Variants in ARHGAP15 observed in about 807,000 individuals in gnomAD.
ARHGAP15 encodes the protein Rho GTPase activating protein 15, also known as rho GTPase-activating protein 15.
ARHGAP15 carries 51 observed loss-of-function variants against 63.7 expected under a neutral mutation model. The observed-to-expected ratio is 0.80, with a 90% CI of 0.64 to 1.01. The LOEUF (loss-of-function observed/expected upper bound fraction) is 1.01. Among genes scored for constraint, ARHGAP15 ranks in the 50% least tolerant of loss-of-function variants. ARHGAP15 has a pLI of 0.00. For synonymous variants in ARHGAP15, 191 were observed against 193.8 expected (o/e 0.99, Z 0.12); for missense variants, 560 against 564.6 (o/e 0.99, Z 0.08).
chr2:143,560,606 A>G (rs1695978855), intron 11 of ARHGAP15, among the ~76,000 whole-genome samples: 1 of 152,174 alleles, frequency 6.6e-6, no homozygotes, highest in African/African-American at 2.4e-5. Context: ...TTCATGCTAC[A>G]CACGCTCATT....
At chr2:143,323,505 GT>G in intron 6 of ARHGAP15, among the ~76,000 whole-genome samples, 1 of 152,274 alleles carries the variant, frequency 6.6e-6, no homozygotes, top group Admixed American at 6.5e-5. Flanking sequence ...GGGATGAAAC[GT>G]CTGAAAGTGT....
chr2:143,611,711 A>G (rs929625201), intron 11 of ARHGAP15, among the ~76,000 whole-genome samples: 1 of 152,192 alleles, frequency 6.6e-6, no homozygotes, highest in African/African-American at 2.4e-5. Context: ...AAAAGTGTCA[A>G]TAGCATCCCC....
intron 6 of ARHGAP15, among the ~76,000 whole-genome samples, chr2:143,331,830 T>C (rs1684562781): frequency 6.6e-6 from 1 of 152,158 alleles, no homozygotes; most frequent in Non-Finnish European, 1.5e-5. Context: ...AGGTTTAACT[T>C]GTGATTCTAA....
chr2:143,471,332 G>T (rs1204654233), intron 8 of ARHGAP15, among the ~76,000 whole-genome samples: 1 of 149,550 alleles, frequency 6.7e-6, no homozygotes, highest in African/African-American at 2.5e-5. Context: ...GCACTTTTTT[G>T]CTTAAAGATT....
intron 6 of ARHGAP15, among the ~76,000 whole-genome samples, chr2:143,263,955 C>G (rs1417291334): frequency 1.9e-5 from 2 of 107,296 alleles, no homozygotes; most frequent in African/African-American, 7.0e-5. Flanking sequence ...TGCTCACCAA[C>G]ATACTGAGCT....
intron 2 of ARHGAP15, among the ~76,000 whole-genome samples, chr2:143,176,837 G>A (rs1018029243): frequency 6.6e-6 from 1 of 152,150 alleles, no homozygotes; most frequent in Admixed American, 6.6e-5. Flanking sequence ...TCACATGATT[G>A]AAAGCTAATG....
At chr2:143,620,265 G>A (rs996477741) in intron 11 of ARHGAP15, among the ~76,000 whole-genome samples, 1 of 152,124 alleles carries the variant, frequency 6.6e-6, no homozygotes, top group African/African-American at 2.4e-5. Flanking sequence ...CCTGGAGTGG[G>A]TGTTTCATAT....
At chr2:143,519,031 C>T (rs1185887455) in intron 9 of ARHGAP15, 2 of 360,628 alleles carry the variant, frequency 5.5e-6, no homozygotes, top group Admixed American at 4.2e-5. Context: ...ACATAGTCAT[C>T]CCTGCCTAAT....
intron 13 of ARHGAP15, among the ~76,000 whole-genome samples, chr2:143,713,900 C>G (rs748331748): frequency 6.6e-6 from 1 of 152,190 alleles, no homozygotes; most frequent in Admixed American, 6.5e-5. Context: ...TCCATCCTGG[C>G]TGCTTTCATA....
chr2:143,595,330 G>A (rs962945289), intron 11 of ARHGAP15, among the ~76,000 whole-genome samples: 1 of 152,004 alleles, frequency 6.6e-6, no homozygotes, highest in African/African-American at 2.4e-5. Context: ...AGCTGATAAT[G>A]TCAGGACAGC....
intron 4 of ARHGAP15, among the ~76,000 whole-genome samples, chr2:143,218,484 A>G (rs906027245): frequency 6.6e-6 from 1 of 151,982 alleles, no homozygotes; most frequent in Non-Finnish European, 1.5e-5. Flanking sequence ...GTGTTTATCA[A>G]ACTCATTCTC....
intron 6 of ARHGAP15, among the ~76,000 whole-genome samples, chr2:143,353,775 G>C (rs772107942): frequency 6.6e-6 from 1 of 152,140 alleles, no homozygotes; most frequent in Non-Finnish European, 1.5e-5. Flanking sequence ...AACTGTTTTA[G>C]AATGTGCCAA....
intron 8 of ARHGAP15, among the ~76,000 whole-genome samples, chr2:143,447,505 G>C (rs1372495988): frequency 6.6e-6 from 1 of 152,136 alleles, no homozygotes; most frequent in African/African-American, 2.4e-5. Flanking sequence ...TGTATCAAAA[G>C]GATTGTGATA....
intron 11 of ARHGAP15, among the ~76,000 whole-genome samples, chr2:143,621,912 C>T (rs1698659896): frequency 6.6e-6 from 1 of 152,076 alleles, no homozygotes; most frequent in Non-Finnish European, 1.5e-5. Context: ...TTTTTACCTG[C>T]TGAACACTTT....
chr2:143,140,354 C>A (rs1409795231), intron 1 of ARHGAP15, among the ~76,000 whole-genome samples: 1 of 151,998 alleles, frequency 6.6e-6, no homozygotes, highest in Non-Finnish European at 1.5e-5. Context: ...ACCAAAAATA[C>A]CCTTTAATTA....
intron 10 of ARHGAP15, among the ~76,000 whole-genome samples, chr2:143,539,294 C>A (rs143943365): frequency 6.6e-6 from 1 of 151,702 alleles, no homozygotes; most frequent in Admixed American, 6.6e-5. Flanking sequence ...GTCTTGCTAG[C>A]GGTCTATCAG....
intron 12 of ARHGAP15, among the ~76,000 whole-genome samples, chr2:143,688,825 T>TG (rs1002983995): frequency 1.3e-5 from 2 of 152,182 alleles, no homozygotes; most frequent in Admixed American, 1.3e-4. Flanking sequence ...AAAGACTAAA[T>TG]GTTTATTTTT....
At chr2:143,244,545 G>T (rs182435344) in intron 5 of ARHGAP15, among the ~76,000 whole-genome samples, 1 of 152,204 alleles carries the variant, frequency 6.6e-6, no homozygotes, top group African/African-American at 2.4e-5. Flanking sequence ...AATGTCTGGC[G>T]TTGTGAAAAC....
intron 3 of ARHGAP15, among the ~76,000 whole-genome samples, chr2:143,215,947 A>G (rs984647084): frequency 2.0e-5 from 3 of 152,206 alleles, no homozygotes. Flanking sequence ...CCATGATTCA[A>G]CTAGCTCAGT....
Sources: gnomAD v4.1 joint callset for allele counts (sites outside exome capture counted in the v4.1 genomes callset) on GRCh38, gnomAD v4.1.1 for gene constraint, MANE v1.5 for transcripts, NCBI Gene and HGNC (gene_info 2026-07-23, HGNC 2026-07-21) for gene names.